The following VPS13B variants were observed in gnomAD, a reference collection of about 807,000 sequenced individuals.
VPS13B encodes the protein vacuolar protein sorting 13 homolog B.
In VPS13B, 285 loss-of-function variants were observed where a neutral mutation model predicts 426.4. That is an observed-to-expected ratio of 0.67 (90% CI 0.61 to 0.74). The LOEUF (loss-of-function observed/expected upper bound fraction) is 0.74. Among genes scored for constraint, VPS13B ranks in the 30% least tolerant of loss-of-function variants. The pLI is 0.00. For synonymous variants in VPS13B, 1,676 were observed against 1,676.4 expected (o/e 1.00, Z 0.01); for missense variants, 4,537 against 4,782.6 (o/e 0.95, Z 1.51).
chr8:99,467,530 A>C lies in VPS13B; in HGVS notation c.3562A>C (p.Thr1188Pro). 1 of 1,613,828 alleles carries C rather than the reference A, an allele frequency of 6.2e-7. No homozygotes were observed. Among genetic ancestry groups the C allele is most frequent in the Non-Finnish European group, 8.5e-7 (1 of 1,179,804 alleles). ...GGGTTGCACCTCCACTCTAGCTGTCACGTCTCAAAAACTGCTTGCTACGGG... is the reference window on the plus strand; with the variant it reads ...GGGTTGCACCTCCACTCTAGCTGTCCCGTCTCAAAAACTGCTTGCTACGGG... ...PMGCTSTLAV[T>P]SQKLLATGPD... Residue 1188 changes from threonine to proline, a missense_variant, in exon 24 of 62, where the codon ACG becomes CCG. Physicochemically the swap from Thr to Pro is conservative, Grantham distance 38 (BLOSUM62 -1). Around this residue, in one of 2 missense-constraint regions of VPS13B, gnomAD observed 4,311 missense variants for 4,474.3 expected, o/e 0.96. Coordinates refer to ENST00000357162, the MANE Select transcript of VPS13B (RefSeq NM_152564.5).
chr8:99,784,615 C>A, intron 43 of VPS13B, 139 bp downstream of exon 43: 1 of 1,185,972 alleles, frequency 8.4e-7, no homozygotes, highest in Non-Finnish European at 1.2e-6. Context: ...GACGGAAACC[C>A]AAGAGTGTTT....
rs527945139 is a variant in VPS13B, at chr8:99,854,352, T to A, written c.10867+96T>A. On this transcript the variant is annotated intron_variant, in intron 56 of 61. Transcript: ENST00000357162. ...CTCATTTCAAGACCTAAAGAAGCAATTGGCAAGAGGTGACACACCTGAGCT... is the reference window on the plus strand; with the variant it reads ...CTCATTTCAAGACCTAAAGAAGCAAATGGCAAGAGGTGACACACCTGAGCT... The A allele has an allele frequency of 4.6e-3, 6,348 of 1,383,938 alleles. 30 individuals are homozygous for A. Among genetic ancestry groups the A allele is most frequent in the Non-Finnish European group, 4.9e-3 (4,912 of 1,005,562 alleles). The allele number at this position is 1,383,938 out of a possible 1,614,324, so 85.7% of individuals were successfully genotyped here.
chr8:99,477,279 TG>T (rs1819747522), intron 24 of VPS13B, among the ~76,000 whole-genome samples: 1 of 152,240 alleles, frequency 6.6e-6, no homozygotes, highest in South Asian at 2.1e-4. Context: ...TGTCTTTTAC[TG>T]TTTTTTCTTT....
chr8:99,798,767 C>G (rs1469768866), intron 43 of VPS13B, among the ~76,000 whole-genome samples: 2 of 152,166 alleles, frequency 1.3e-5, no homozygotes, highest in Non-Finnish European at 2.9e-5. Flanking sequence ...TTACAAGACA[C>G]TCAAAGCCTT....
intron 19 of VPS13B, among the ~76,000 whole-genome samples, chr8:99,343,740 A>C (rs1016069119): frequency 3.3e-5 from 5 of 152,354 alleles, no homozygotes; most frequent in Admixed American, 6.5e-5. Context: ...AATTAAACCC[A>C]GGCAATGAAA....
intron 30 of VPS13B, among the ~76,000 whole-genome samples, chr8:99,535,882 T>C (rs1237392567): frequency 1.3e-5 from 2 of 152,178 alleles, no homozygotes; most frequent in Non-Finnish European, 2.9e-5. Flanking sequence ...CATCTGTAAA[T>C]CTACTTGAAA....
At chr8:99,744,978 A>C (rs569715699) in intron 39 of VPS13B, among the ~76,000 whole-genome samples, 1 of 152,328 alleles carries the variant, frequency 6.6e-6, no homozygotes, top group East Asian at 1.9e-4. Context: ...AATAAAAAAA[A>C]AAGAACCTAT....
intron 54 of VPS13B, among the ~76,000 whole-genome samples, chr8:99,844,442 A>C (rs1588773926): frequency 6.9e-6 from 1 of 145,912 alleles, no homozygotes; most frequent in Admixed American, 7.1e-5. Flanking sequence ...GTCTCGGCTC[A>C]CTGCAACCTC....
At chr8:99,020,931 C>A (rs988643533) in intron 2 of VPS13B, among the ~76,000 whole-genome samples, 1 of 152,182 alleles carries the variant, frequency 6.6e-6, no homozygotes, top group African/African-American at 2.4e-5. Flanking sequence ...ATGAAGTCAT[C>A]TGGGTAATGA....
At chr8:99,029,791 GGGAGAGGGAGAGGGAGAC>G (rs1235203468) in intron 2 of VPS13B, among the ~76,000 whole-genome samples, 6 of 147,940 alleles carry the variant, frequency 4.1e-5, no homozygotes, top group South Asian at 2.2e-4. Flanking sequence ...AAGAGGGAGA[GGGAGAGGGAGAGGGAGAC>G]GGAGAGGGAG....
chr8:99,416,270 A>G (rs1376010207), intron 21 of VPS13B, among the ~76,000 whole-genome samples: 1 of 152,034 alleles, frequency 6.6e-6, no homozygotes, highest in African/African-American at 2.4e-5. Flanking sequence ...CCGCCCCCCC[A>G]CCAAGCTCCA....
At chr8:99,466,407 G>A (rs572583360) in intron 23 of VPS13B, among the ~76,000 whole-genome samples, 4 of 151,996 alleles carry the variant, frequency 2.6e-5, no homozygotes, top group Non-Finnish European at 5.9e-5. Flanking sequence ...GTACTGACAA[G>A]CACTAGTAGA....
At chr8:99,120,982 A>T (rs1248138702) in intron 7 of VPS13B, among the ~76,000 whole-genome samples, 195 bp from the exon 8 acceptor site, 17 of 152,212 alleles carry the variant, frequency 1.1e-4, no homozygotes, top group Non-Finnish European at 2.5e-4. Flanking sequence ...TAAAGGAGAA[A>T]GATACGGTAC....
chr8:99,453,908 T>C (rs1443181351), intron 23 of VPS13B, among the ~76,000 whole-genome samples: 6 of 152,138 alleles, frequency 3.9e-5, no homozygotes, highest in Admixed American at 3.9e-4. Context: ...GAGGACTCAC[T>C]CTGGGTGTTT....
At chr8:99,344,189 G>A (rs546897005) in intron 19 of VPS13B, among the ~76,000 whole-genome samples, 2 of 152,248 alleles carry the variant, frequency 1.3e-5, no homozygotes, top group South Asian at 4.1e-4. Flanking sequence ...AACAGAGATG[G>A]CAAAAATGCA....
At chr8:99,230,176 T>G (rs564490146) in intron 17 of VPS13B, among the ~76,000 whole-genome samples, 3 of 151,946 alleles carry the variant, frequency 2.0e-5, no homozygotes, top group African/African-American at 7.2e-5. Flanking sequence ...CATGTTGGGG[T>G]TTTTTTTGCC....
intron 2 of VPS13B, among the ~76,000 whole-genome samples, chr8:99,025,519 TTTTC>T (rs1332653768): frequency 6.6e-6 from 1 of 152,290 alleles, no homozygotes; most frequent in East Asian, 1.9e-4. Flanking sequence ...TATTGTCTTG[TTTTC>T]TTTTTCTGTT....
intron 3 of VPS13B, among the ~76,000 whole-genome samples, chr8:99,087,614 TG>T (rs1391698087): frequency 8.0e-5 from 12 of 150,760 alleles, no homozygotes; most frequent in African/African-American, 2.9e-4. Context: ...ACTGTTTTTT[TG>T]TTTTTTTTTT....
Position 99,192,953 on chromosome 8 carries a change from A to G in VPS13B, c.2411A>G (p.Gln804Arg), listed in dbSNP as rs1229393575. Reference protein sequence around the residue: ...PNLTIQATRAQTLLLQAIYQS... With the variant: ...PNLTIQATRARTLLLQAIYQS... The stretch of plus-strand genomic sequence containing the variant: ...CTCACAATTCAAGCTACAAGAGCAC[A>G]GACACTTCTCTTGCAAGCAATATAT... Residue 804 changes from glutamine to arginine, a missense_variant, in exon 17 of 62, where the codon CAG (glutamine) becomes CGG (arginine). By Grantham distance (43) the Gln-to-Arg change is conservative. Coordinates refer to ENST00000357162, the MANE Select transcript of VPS13B (RefSeq NM_152564.5). The G allele has an allele frequency of 6.2e-7, 1 of 1,613,596 alleles. No homozygotes were observed. The highest frequency in any genetic ancestry group is 1.7e-5 in the Admixed American group (1 of 60,004).
Sources: gnomAD v4.1 joint callset for allele counts (sites outside exome capture counted in the v4.1 genomes callset) on GRCh38, gnomAD v4.1.1 for gene constraint, gnomAD v4.1.1 regional missense constraint, MANE v1.5 for transcripts, NCBI Gene and HGNC (gene_info 2026-07-23, HGNC 2026-07-21) for gene names.